The following GALNT10 variants were observed in gnomAD, a reference collection of about 807,000 sequenced individuals.
GALNT10 encodes the protein GalNAc transferase 10.
GALNT10 carries 41 observed loss-of-function variants against 75.0 expected under a neutral mutation model. That is an observed-to-expected ratio of 0.55 (90% CI 0.43 to 0.71). The LOEUF (loss-of-function observed/expected upper bound fraction) is 0.71. GALNT10 is among the 30% of genes least tolerant of loss of function. GALNT10 has a pLI of 0.00. For synonymous variants in GALNT10, 302 were observed against 313.0 expected (o/e 0.96, Z 0.37); for missense variants, 727 against 818.5 (o/e 0.89, Z 1.36).
chr5:154,376,968 C>T lies in GALNT10; in HGVS notation c.754+506C>T, dbSNP rs1755659414. On this transcript the variant is annotated intron_variant, in intron 5 of 11. Coordinates refer to ENST00000297107, the MANE Select transcript of GALNT10 (RefSeq NM_198321.4). The surrounding 1 kb of genome is among the most constrained non-coding windows in gnomAD (Gnocchi z 4.1). ...CTAAGATTCTGAGATACTGAAGACT[C>T]ACTTGTCCCCTTGAGCCATAAGTGT... Among the ~76,000 whole-genome samples, 1 of 152,230 alleles carries T rather than the reference C, an allele frequency of 6.6e-6. No individual in the cohort carries two copies. Among genetic ancestry groups the T allele is most frequent in the South Asian group, 2.1e-4 (1 of 4,836 alleles).
chr5:154,236,403 A>G (rs1264543473), intron 1 of GALNT10, among the ~76,000 whole-genome samples: 1 of 152,230 alleles, frequency 6.6e-6, no homozygotes, highest in African/African-American at 2.4e-5. Flanking sequence ...CCATCTTTAA[A>G]TGAGCTACTT....
intron 3 of GALNT10, among the ~76,000 whole-genome samples, chr5:154,319,944 G>A (rs11167670): frequency 0.42 from 63,984 of 152,010 alleles, 15,641 homozygotes; most frequent in East Asian, 0.62. Context: ...AATAAGAGGC[G>A]GAGAAAAGGG....
At chr5:154,204,195 T>C (rs1387634840) in intron 1 of GALNT10, among the ~76,000 whole-genome samples, 1 of 152,178 alleles carries the variant, frequency 6.6e-6, no homozygotes, top group Non-Finnish European at 1.5e-5. Context: ...GTAAGCTGTG[T>C]TAATTGGGAG....
chr5:154,307,326 C>A (rs914752668), intron 3 of GALNT10, among the ~76,000 whole-genome samples: 1 of 152,110 alleles, frequency 6.6e-6, no homozygotes, highest in Non-Finnish European at 1.5e-5. Flanking sequence ...AGAAATAATT[C>A]TGGCCGGGTG....
At chr5:154,224,192 G>A (rs1232166669) in intron 1 of GALNT10, among the ~76,000 whole-genome samples, 1 of 152,236 alleles carries the variant, frequency 6.6e-6, no homozygotes, top group Non-Finnish European at 1.5e-5. Context: ...GTGTGTCCTA[G>A]AAGGACAAGG....
chr5:154,202,802 A>G (rs1775045985), intron 1 of GALNT10, among the ~76,000 whole-genome samples: 1 of 152,128 alleles, frequency 6.6e-6, no homozygotes, highest in Non-Finnish European at 1.5e-5. Context: ...GGTGTGAGCT[A>G]TCTTTCCCGC....
At chr5:154,383,291 G>A (rs1350974082) in intron 6 of GALNT10, among the ~76,000 whole-genome samples, 1 of 152,166 alleles carries the variant, frequency 6.6e-6, no homozygotes, top group Non-Finnish European at 1.5e-5. Flanking sequence ...CAATCTACAG[G>A]CACAGCATGG....
intron 4 of GALNT10, among the ~76,000 whole-genome samples, chr5:154,371,567 C>T (rs73804452): frequency 0.089 from 5,015 of 56,222 alleles, 213 homozygotes; most frequent in African/African-American, 0.18. Context: ...TGTGTGTACA[C>T]ACACACACAC....
chr5:154,405,876 G>GTTT (rs201645212), intron 8 of GALNT10, among the ~76,000 whole-genome samples: 1 of 146,714 alleles, frequency 6.8e-6, no homozygotes, highest in African/African-American at 2.5e-5. Context: ...TGTTGCTGTT[G>GTTT]TTTTTTTTTT....
In GALNT10 at chr5:154,285,701, C is replaced by G. The variant is rs189400275; in HGVS notation, c.160-9115C>G. 3.1e-3 allele frequency among the ~76,000 whole-genome samples: 476 copies of G among 152,282 alleles called. 2 individuals are homozygous for G. Among genetic ancestry groups the G allele is most frequent in the African/African-American group, 0.011 (461 of 41,546 alleles). On this transcript the variant is annotated intron_variant, in intron 1 of 11. Transcript: ENST00000297107. ...GTGATAGCCTCCTTCCCAGCCTCCA[C>G]CCCTCCTCTTGGCCTCCTAATCCCT...
rs755027291 is a variant in GALNT10, at chr5:154,404,018, G to A, written c.1057-86G>A. The A allele has an allele frequency of 8.1e-6, 8 of 984,810 alleles. No individual in the cohort carries two copies. In the South Asian group the frequency reaches 8.9e-5, roughly 11 times the overall value. The allele number at this position is 984,810 out of a possible 1,614,324, so 61.0% of individuals were successfully genotyped here. A position where few individuals can be genotyped will look rare whatever the true frequency, so the allele number is the denominator to read the frequency against. Reference sequence around the variant, plus strand: ...GCAGACAATCCAGGCTGATGCTTTTGCTGAGTGCACTAAGGGATGCTGGCC... The same window carrying A: ...GCAGACAATCCAGGCTGATGCTTTTACTGAGTGCACTAAGGGATGCTGGCC... On this transcript the variant is annotated intron_variant, in intron 7 of 11. Transcript: ENST00000297107.
intron 1 of GALNT10, among the ~76,000 whole-genome samples, chr5:154,236,026 CTT>C (rs1371704193): frequency 6.6e-6 from 1 of 152,204 alleles, no homozygotes; most frequent in African/African-American, 2.4e-5. Flanking sequence ...CCAGACCACT[CTT>C]GTGCACAATG....
chr5:154,344,357 G>A lies in GALNT10; in HGVS notation c.568+14619G>A, dbSNP rs141586264. 6.6e-3 allele frequency among the ~76,000 whole-genome samples: 997 copies of A among 151,820 alleles called. 6 individuals carry two copies. The highest frequency in any genetic ancestry group is 0.022 in the African/African-American group (924 of 41,392). On this transcript the variant is annotated intron_variant, in intron 4 of 11. Coordinates refer to ENST00000297107, the MANE Select transcript of GALNT10 (RefSeq NM_198321.4). ...CTCCTGAGTAGCTGGGATTACAGGC[G>A]CGCACCACCATGCCCGGCTAATTTT...
chr5:154,216,988 T>C (rs1178893116), intron 1 of GALNT10, among the ~76,000 whole-genome samples: 1 of 152,232 alleles, frequency 6.6e-6, no homozygotes, highest in East Asian at 1.9e-4. Context: ...CGGGAAGCAC[T>C]GCTTTAATTA....
chr5:154,244,266 A>G (rs147265553), intron 1 of GALNT10, among the ~76,000 whole-genome samples: 3 of 152,270 alleles, frequency 2.0e-5, no homozygotes, highest in Admixed American at 2.0e-4. Flanking sequence ...TTTGTATAAT[A>G]TTAAGAATTA....
Position 154,313,713 on chromosome 5 carries a change from A to T in GALNT10, c.401+15634A>T, listed in dbSNP as rs577159671. On this transcript the variant is annotated intron_variant, in intron 3 of 11. Coordinates refer to ENST00000297107, the MANE Select transcript of GALNT10 (RefSeq NM_198321.4). Reference sequence around the variant, plus strand: ...TCAGACTGTGTTAAAGAGAAAGCTCATGTCTGTCTCATCCCCGAGAGGAGG... The same window carrying T: ...TCAGACTGTGTTAAAGAGAAAGCTCTTGTCTGTCTCATCCCCGAGAGGAGG... 8.8e-4 allele frequency among the ~76,000 whole-genome samples: 134 copies of T among 152,296 alleles called. 1 individual carries two copies. Among genetic ancestry groups the T allele is most frequent in the African/African-American group, 3.1e-3 (127 of 41,552 alleles).
Position 154,219,834 on chromosome 5 carries a change from TCTCTCACACACACA to T in GALNT10, c.159+28811_159+28824del, listed in dbSNP as rs953702828. Among the ~76,000 whole-genome samples the T allele has an allele frequency of 3.9e-5, 5 of 129,716 alleles. No homozygotes were observed. In the Admixed American group the frequency reaches 4.1e-4, roughly 11 times the overall value. 85.1% of individuals were successfully genotyped at this position (129,716 alleles called of 152,430 possible). ...CGCGCTCTCTCTCTCTCTCTCTCTC[TCTCTCACACACACA>T]CACACACACACACACACACCACAGA... On this transcript the variant is annotated intron_variant, in intron 1 of 11. Transcript: ENST00000297107.
intron 1 of GALNT10, among the ~76,000 whole-genome samples, chr5:154,208,224 G>A (rs915624834): frequency 6.6e-6 from 1 of 152,124 alleles, no homozygotes; most frequent in Non-Finnish European, 1.5e-5. Context: ...ACATGGTCTC[G>A]GCCCTTGAGG....
intron 1 of GALNT10, among the ~76,000 whole-genome samples, chr5:154,285,024 A>G (rs964171729): frequency 8.5e-5 from 13 of 152,354 alleles, no homozygotes; most frequent in African/African-American, 3.1e-4. Flanking sequence ...ACAATCGCTC[A>G]TGGAATATGA....
Sources: allele counts gnomAD v4.1 joint callset (sites outside exome capture counted in the v4.1 genomes callset), GRCh38; gene constraint gnomAD v4.1.1; non-coding constraint Gnocchi (gnomAD v3.1); transcripts MANE v1.5; gene names NCBI Gene and HGNC (gene_info 2026-07-23, HGNC 2026-07-21).